The following RBM47 variants were observed in gnomAD, a reference collection of about 807,000 sequenced individuals.
The protein encoded by RBM47 is RNA binding motif protein 47, also known as RNA-binding protein 47.
Under a neutral mutation model 47.1 loss-of-function variants are expected in RBM47, and 21 were observed. The ratio of observed to expected loss-of-function variants is 0.45; its 90% CI spans 0.32 to 0.64. RBM47 has a LOEUF of 0.64. Ranked by LOEUF, RBM47 falls within the 30% of genes least tolerant of loss-of-function variation. The probability of loss-of-function intolerance (pLI) is 0.05; values close to 1 mark genes in which losing one functional copy is unlikely to be tolerated. For missense variants in RBM47, 708 were observed against 870.9 expected (o/e 0.81, Z 2.35); for synonymous variants, 375 against 361.7 (o/e 1.04, Z -0.42).
At chr4:40,443,002 G>A (rs578129492) in intron 3 of RBM47, among the ~76,000 whole-genome samples, 2 of 152,182 alleles carry the variant, frequency 1.3e-5, no homozygotes, top group African/African-American at 2.4e-5. Context: ...ATTCTGATAC[G>A]TGCTACAATA....
chr4:40,592,796 C>A lies in RBM47; in HGVS notation c.-240+36600G>T, dbSNP rs566708259. ...CTGGTCTCAAACTCCTGAGCTCAGGCAATCTGCCTGCCTTGGCCTCCCAGT... is the reference window on the plus strand; with the variant it reads ...CTGGTCTCAAACTCCTGAGCTCAGGAAATCTGCCTGCCTTGGCCTCCCAGT... On this transcript the variant is annotated intron_variant, in intron 1 of 6. Coordinates refer to ENST00000295971, the MANE Select transcript of RBM47 (RefSeq NM_001098634.2). Among the ~76,000 whole-genome samples, 12 of 150,766 alleles carry A rather than the reference C, an allele frequency of 8.0e-5. No individual in the cohort carries two copies. The South Asian group carries it at 1.1e-3, about 13-fold the overall frequency.
chr4:40,623,308 T>C lies in RBM47; in HGVS notation c.-240+6088A>G, dbSNP rs572875556. ...CCAAATGGGAAGGGCTAACTTGTTA[T>C]TGGATTTCTCTTTGCTCTGCAAATA... On this transcript the variant is annotated intron_variant, in intron 1 of 6. Coordinates refer to ENST00000295971, the MANE Select transcript of RBM47 (RefSeq NM_001098634.2). Among the ~76,000 whole-genome samples the C allele has an allele frequency of 1.1e-4, 16 of 152,338 alleles. No individual in the cohort carries two copies. The South Asian group carries it at 2.3e-3, about 22-fold the overall frequency.
chr4:40,494,478 G>C (rs995758983), intron 2 of RBM47, among the ~76,000 whole-genome samples: 1 of 152,204 alleles, frequency 6.6e-6, no homozygotes, highest in Non-Finnish European at 1.5e-5. Context: ...GAGTGGCTCA[G>C]CTGTACAGAG....
At chr4:40,496,701 C>A (rs1722641388) in intron 2 of RBM47, among the ~76,000 whole-genome samples, 1 of 152,146 alleles carries the variant, frequency 6.6e-6, no homozygotes, top group Admixed American at 6.5e-5. Flanking sequence ...ATCTTTACAG[C>A]CACCCTGGAT....
chr4:40,480,016 T>C (rs192206855), intron 2 of RBM47, among the ~76,000 whole-genome samples: 1 of 149,712 alleles, frequency 6.7e-6, no homozygotes, highest in East Asian at 2.0e-4. Context: ...TTATTCTTGT[T>C]GCCCAGGCTG....
At chr4:40,581,848 C>G (rs35512105) in intron 1 of RBM47, among the ~76,000 whole-genome samples, 1 of 150,490 alleles carries the variant, frequency 6.6e-6, no homozygotes, top group African/African-American at 2.5e-5. Flanking sequence ...GTCTCCTGAA[C>G]GCCAGCCCCA....
At chr4:40,580,609 G>A (rs548687773) in intron 1 of RBM47, among the ~76,000 whole-genome samples, 7 of 152,296 alleles carry the variant, frequency 4.6e-5, no homozygotes, top group South Asian at 2.1e-4. Context: ...TCACCAGCAC[G>A]CACTGGCAGC....
chr4:40,455,749 C>T (rs1245754162), intron 3 of RBM47, among the ~76,000 whole-genome samples: 1 of 152,064 alleles, frequency 6.6e-6, no homozygotes, highest in East Asian at 1.9e-4. Context: ...AACCCTGCCT[C>T]ATAGCAAACA....
intron 3 of RBM47, among the ~76,000 whole-genome samples, chr4:40,439,441 G>C (rs1038668481): frequency 6.6e-6 from 1 of 152,190 alleles, no homozygotes; most frequent in Non-Finnish European, 1.5e-5. Flanking sequence ...ATTGTATAGA[G>C]AGAGCTGTGT....
At chr4:40,516,626 A>G (rs919710550) in intron 2 of RBM47, among the ~76,000 whole-genome samples, 3 of 152,226 alleles carry the variant, frequency 2.0e-5, no homozygotes, top group Admixed American at 2.0e-4. Context: ...CATGGTTTAC[A>G]CAGGTATTAT....
intron 1 of RBM47, among the ~76,000 whole-genome samples, chr4:40,605,582 G>A (rs1434237087): frequency 6.6e-6 from 1 of 151,964 alleles, no homozygotes; most frequent in Non-Finnish European, 1.5e-5. Context: ...TGTAATCTTA[G>A]CACTTTGAGA....
At chr4:40,448,174 T>A (rs1044651771) in intron 3 of RBM47, among the ~76,000 whole-genome samples, 2 of 151,780 alleles carry the variant, frequency 1.3e-5, no homozygotes, top group African/African-American at 4.9e-5. Flanking sequence ...CCAGCCTGGG[T>A]GACAGAGTGA....
rs115601315 is a variant in RBM47 at position 40,581,442 on chromosome 4, A to T, written c.-239-36936T>A. 3.4e-3 allele frequency among the ~76,000 whole-genome samples: 479 copies of T among 141,108 alleles called. 1 individual carries two copies. Among genetic ancestry groups the T allele is most frequent in the African/African-American group, 0.013 (447 of 33,190 alleles). The allele number at this position is 141,108 out of a possible 152,430, so 92.6% of individuals were successfully genotyped here. On this transcript the variant is annotated intron_variant, in intron 1 of 6. Coordinates refer to ENST00000295971, the MANE Select transcript of RBM47 (RefSeq NM_001098634.2). ...TCTCAAAAAAAAAGTAATAATAAAT[A>T]AATAAATAAATAAATAAATAAATAA... is the stretch of plus-strand genomic sequence containing the variant.
At chr4:40,624,560 A>G (rs75042151) in intron 1 of RBM47, among the ~76,000 whole-genome samples, 4,151 of 152,318 alleles carry the variant, frequency 0.027, 189 homozygotes, top group African/African-American at 0.094. Context: ...TAGTAAGATC[A>G]TCCTCATGGA....
chr4:40,556,567 T>G (rs1730111256), intron 1 of RBM47, among the ~76,000 whole-genome samples: 2 of 152,152 alleles, frequency 1.3e-5, no homozygotes, highest in Non-Finnish European at 1.5e-5. Flanking sequence ...CAATTACTTT[T>G]GCACCAAACT....
chr4:40,576,234 TTTTCTG>T (rs1732295491), intron 1 of RBM47, among the ~76,000 whole-genome samples: 1 of 118,098 alleles, frequency 8.5e-6, no homozygotes, highest in African/African-American at 3.4e-5. Context: ...TTTCTTTCTC[TTTTCTG>T]TTTTTTTTTT....
intron 1 of RBM47, among the ~76,000 whole-genome samples, chr4:40,612,813 C>T (rs1425728788): frequency 1.3e-5 from 2 of 152,172 alleles, no homozygotes; most frequent in African/African-American, 4.8e-5. Context: ...AAACCTAGAA[C>T]CCATGTCAAT....
chr4:40,596,225 G>T (rs1177663492), intron 1 of RBM47, among the ~76,000 whole-genome samples: 1 of 152,242 alleles, frequency 6.6e-6, no homozygotes, highest in Non-Finnish European at 1.5e-5. Context: ...AGAGCAAGAG[G>T]AAAGAAGCTT....
chr4:40,527,497 G>A (rs991626579), intron 2 of RBM47, among the ~76,000 whole-genome samples: 1 of 141,040 alleles, frequency 7.1e-6, no homozygotes, highest in African/African-American at 2.7e-5. Context: ...CACCATGTTG[G>A]CCAGGCTGGT....
Sources: allele counts gnomAD v4.1 joint callset (sites outside exome capture counted in the v4.1 genomes callset), GRCh38; gene constraint gnomAD v4.1.1; transcripts MANE v1.5; gene names NCBI Gene and HGNC (gene_info 2026-07-23, HGNC 2026-07-21).